Variants in GALNT13 observed in about 807,000 individuals in gnomAD.
GALNT13 encodes the protein polypeptide N-acetylgalactosaminyltransferase 13.
Under a neutral mutation model 64.2 loss-of-function variants are expected in GALNT13, and 28 were observed. The observed-to-expected ratio is 0.44, with a 90% confidence interval of 0.32 to 0.60. The LOEUF (loss-of-function observed/expected upper bound fraction) is 0.60. GALNT13 is among the 20% of genes least tolerant of loss of function. The pLI, the probability that GALNT13 is intolerant of heterozygous loss-of-function variation, is 0.05. For missense variants in GALNT13, 577 were observed against 669.8 expected (o/e 0.86, Z 1.53); for synonymous variants, 214 against 224.6 (o/e 0.95, Z 0.42).
the GALNT13 span, among the ~76,000 whole-genome samples, chr2:153,723,957 T>C: frequency 1.3e-5 from 2 of 150,456 alleles, no homozygotes; most frequent in Non-Finnish European, 2.9e-5. Context: ...AAAACTACTT[T>C]AAAGTTCATA....
At chr2:153,521,726 G>A in the GALNT13 span, among the ~76,000 whole-genome samples, 8 of 152,082 alleles carry the variant, frequency 5.3e-5, no homozygotes, top group Non-Finnish European at 7.4e-5. Context: ...CCTGGCAATC[G>A]CTGATCTTTT....
chr2:154,437,576 G>A, intron 11 of GALNT13: 1 of 1,281,248 alleles, frequency 7.8e-7, no homozygotes, highest in Non-Finnish European at 1.0e-6. Flanking sequence ...CCCTCATGAG[G>A]CTGGGCATGG....
At chr2:154,009,330 G>A (rs1696470250) in intron 3 of GALNT13, among the ~76,000 whole-genome samples, 1 of 151,958 alleles carries the variant, frequency 6.6e-6, no homozygotes, top group South Asian at 2.1e-4. Context: ...GTTGGGTTAT[G>A]TGTTGCCTGC....
the GALNT13 span, among the ~76,000 whole-genome samples, chr2:153,229,183 A>G: frequency 6.6e-6 from 1 of 152,188 alleles, no homozygotes; most frequent in Non-Finnish European, 1.5e-5. Flanking sequence ...TGGAAGCTTC[A>G]ATTTGAGAAT....
chr2:153,579,828 T>C, the GALNT13 span, among the ~76,000 whole-genome samples: 1 of 152,076 alleles, frequency 6.6e-6, no homozygotes, highest in African/African-American at 2.4e-5. Flanking sequence ...GCGTGCCTTA[T>C]GAGAATCTAA....
intron 1 of GALNT13, among the ~76,000 whole-genome samples, chr2:153,896,116 C>A: frequency 1.6e-5 from 1 of 62,856 alleles, no homozygotes. Context: ...AAAAAACTTG[C>A]CACTTTCGAT....
the GALNT13 span, among the ~76,000 whole-genome samples, chr2:153,178,585 C>A: frequency 6.6e-6 from 1 of 152,018 alleles, no homozygotes; most frequent in Non-Finnish European, 1.5e-5. Flanking sequence ...TGCTTGAATT[C>A]CTAATATATA....
At chr2:154,272,381 A>G (rs890264486) in intron 8 of GALNT13, among the ~76,000 whole-genome samples, 2 of 152,054 alleles carry the variant, frequency 1.3e-5, no homozygotes, top group African/African-American at 4.8e-5. Flanking sequence ...ATTTCAGTAC[A>G]TTAAGTAACC....
the GALNT13 span, among the ~76,000 whole-genome samples, chr2:153,223,055 G>C: frequency 6.6e-6 from 1 of 152,238 alleles, no homozygotes; most frequent in African/African-American, 2.4e-5. Flanking sequence ...TGCAGCTCTG[G>C]CCTCTCCAGA....
the GALNT13 span, among the ~76,000 whole-genome samples, chr2:153,712,861 C>A: frequency 6.6e-6 from 1 of 152,130 alleles, no homozygotes; most frequent in Non-Finnish European, 1.5e-5. Context: ...CTATCTGTGT[C>A]CCATAGAGAT....
intron 11 of GALNT13, among the ~76,000 whole-genome samples, chr2:154,425,489 T>C (rs1003556640): frequency 3.3e-5 from 5 of 152,212 alleles, no homozygotes; most frequent in Non-Finnish European, 7.3e-5. Context: ...GGAAACTATG[T>C]ATGCATGTAT....
the GALNT13 span, among the ~76,000 whole-genome samples, chr2:153,860,745 T>C: frequency 6.6e-6 from 1 of 152,160 alleles, no homozygotes; most frequent in South Asian, 2.1e-4. Context: ...ATTCTATCTA[T>C]TAGGGATATT....
At chr2:154,222,685 C>T (rs1233611002) in intron 4 of GALNT13, among the ~76,000 whole-genome samples, 1 of 152,052 alleles carries the variant, frequency 6.6e-6, no homozygotes, top group Non-Finnish European at 1.5e-5. Context: ...CAAAGCACAG[C>T]CTCTAGCTAT....
intron 1 of GALNT13, among the ~76,000 whole-genome samples, chr2:153,891,831 A>G (rs56194434): frequency 0.13 from 19,704 of 151,842 alleles, 1,424 homozygotes; most frequent in South Asian, 0.21. Flanking sequence ...TCTATTCCAA[A>G]TGACCTTTTT....
chr2:153,608,364 T>A, the GALNT13 span, among the ~76,000 whole-genome samples: 3 of 152,040 alleles, frequency 2.0e-5, no homozygotes, highest in Admixed American at 6.6e-5. Context: ...GGTGGCAGAG[T>A]GTGTTGAGAA....
the GALNT13 span, among the ~76,000 whole-genome samples, chr2:153,739,474 T>C: frequency 6.6e-6 from 1 of 150,478 alleles, no homozygotes; most frequent in South Asian, 2.1e-4. Flanking sequence ...TACTATATGC[T>C]TTCATCTTTG....
At chr2:153,683,851 A>G in the GALNT13 span, among the ~76,000 whole-genome samples, 2 of 151,716 alleles carry the variant, frequency 1.3e-5, no homozygotes, top group African/African-American at 4.8e-5. Flanking sequence ...ATGCTTTGAT[A>G]TTTCCTAGGA....
the GALNT13 span, among the ~76,000 whole-genome samples, chr2:153,467,563 T>C: frequency 6.6e-6 from 1 of 152,100 alleles, no homozygotes; most frequent in East Asian, 1.9e-4. Context: ...TTTACCTGTA[T>C]GACCTTGGAA....
the GALNT13 span, among the ~76,000 whole-genome samples, chr2:153,328,353 CTT>C: frequency 1.3e-5 from 2 of 152,192 alleles, no homozygotes; most frequent in East Asian, 3.9e-4. Context: ...CCATTGCTCT[CTT>C]CAGAGCCTGC....
Sources: allele counts gnomAD v4.1 joint callset (sites outside exome capture counted in the v4.1 genomes callset), GRCh38; gene constraint gnomAD v4.1.1; transcripts MANE v1.5; gene names NCBI Gene and HGNC (gene_info 2026-07-23, HGNC 2026-07-21).